PLXNA2: variants seen among roughly 807,000 people sequenced by gnomAD.
PLXNA2 encodes the protein plexin A2, also known as plexin-A2.
Under a neutral mutation model 193.5 loss-of-function variants are expected in PLXNA2, and 91 were observed. The observed-to-expected ratio is 0.47, with a 90% confidence interval of 0.40 to 0.56. PLXNA2 has a LOEUF of 0.56. Ranked by LOEUF, PLXNA2 falls within the 20% of genes least tolerant of loss-of-function variation. The pLI is 0.00. For missense variants in PLXNA2, 1,995 were observed against 2,503.2 expected (o/e 0.80, Z 4.33); for synonymous variants, 997 against 1,027.3 (o/e 0.97, Z 0.56).
intron 3 of PLXNA2, among the ~76,000 whole-genome samples, chr1:208,156,103 T>C (rs1422150284): frequency 1.3e-5 from 1 of 74,106 alleles, no homozygotes; most frequent in Non-Finnish European, 3.7e-5. Context: ...GAAAGCAGGG[T>C]GAAAGAAAGG....
rs753029580 is a variant in PLXNA2 at position 208,216,786 on chromosome 1, G to A, written c.1137C>T (p.Gly379=). The A allele has an allele frequency of 1.7e-5, 28 of 1,613,956 alleles. No homozygotes were observed. Among genetic ancestry groups the A allele is most frequent in the Admixed American group, 3.3e-5 (2 of 60,004 alleles). ...CCAGCAGCCAGTTGAGCTCCAGGTT[G>A]CCCTCGCCCTGGTAGCAGGACTGCA... ...ERLQSCYQGE[G]NLELNWLLGK... is the part of the protein sequence containing the mutation. Residue 379 remains glycine (G), a synonymous_variant, in exon 2 of 32, where the codon GGC becomes GGT. Coordinates refer to ENST00000367033, the MANE Select transcript of PLXNA2 (RefSeq NM_025179.4).
At chr1:208,243,198 C>T (rs901946953) in intron 1 of PLXNA2, among the ~76,000 whole-genome samples, 2 of 152,168 alleles carry the variant, frequency 1.3e-5, no homozygotes, top group African/African-American at 2.4e-5. Context: ...GGAGTGAACG[C>T]CCCCAAATCG....
chr1:208,237,312 T>C (rs1671894456), intron 1 of PLXNA2, among the ~76,000 whole-genome samples: 1 of 152,188 alleles, frequency 6.6e-6, no homozygotes, highest in Non-Finnish European at 1.5e-5. Flanking sequence ...ATTTAATAAC[T>C]TCATTCAGAT....
chr1:208,044,014 C>T lies in PLXNA2; in HGVS notation c.3874+494G>A, dbSNP rs1230352498. Reference sequence around the variant, plus strand: ...CACACACGTCCACAGCCAAGGACACCAGCAAGTGGCGGCCTTCAGAGCGCT... The same window carrying T: ...CACACACGTCCACAGCCAAGGACACTAGCAAGTGGCGGCCTTCAGAGCGCT... On this transcript the variant is annotated intron_variant, in intron 20 of 31. Coordinates refer to ENST00000367033, the MANE Select transcript of PLXNA2 (RefSeq NM_025179.4). This position sits in a 1 kb window ranked among gnomAD's most constrained non-coding sequence, Gnocchi z 4.9. Among the ~76,000 whole-genome samples, 1 of 152,202 alleles carries T rather than the reference C, an allele frequency of 6.6e-6. No individual in the cohort carries two copies. The highest frequency in any genetic ancestry group is 1.5e-5 in the Non-Finnish European group (1 of 68,038).
intron 29 of PLXNA2, chr1:208,031,289 G>C (rs1043234863): frequency 2.5e-5 from 31 of 1,224,158 alleles, no homozygotes; most frequent in Non-Finnish European, 3.1e-5. Flanking sequence ...CTGAGAACCA[G>C]AGATCTCAGA....
At chr1:208,234,390 C>T (rs1671786545) in intron 1 of PLXNA2, among the ~76,000 whole-genome samples, 1 of 152,206 alleles carries the variant, frequency 6.6e-6, no homozygotes, top group Non-Finnish European at 1.5e-5. Flanking sequence ...CTCTTGCTGA[C>T]CCCATTTTCT....
At chr1:208,172,497 A>T (rs570070808) in intron 3 of PLXNA2, among the ~76,000 whole-genome samples, 88 of 152,300 alleles carry the variant, frequency 5.8e-4, no homozygotes, top group African/African-American at 2.1e-3. Flanking sequence ...CCCCATCCGC[A>T]GATGACACCT....
At chr1:208,147,772 G>C (rs891892826) in intron 3 of PLXNA2, among the ~76,000 whole-genome samples, 1 of 152,182 alleles carries the variant, frequency 6.6e-6, no homozygotes, top group Non-Finnish European at 1.5e-5. Flanking sequence ...AAACATAGCT[G>C]CCCTTGCTGC....
At chr1:208,226,528 G>A (rs146359658) in intron 1 of PLXNA2, among the ~76,000 whole-genome samples, 20 of 152,178 alleles carry the variant, frequency 1.3e-4, no homozygotes, top group African/African-American at 4.6e-4. Flanking sequence ...AGGGGCTGGC[G>A]GGGGCTCTGT....
intron 3 of PLXNA2, among the ~76,000 whole-genome samples, chr1:208,177,177 G>A (rs915466537): frequency 1.3e-5 from 2 of 152,182 alleles, no homozygotes; most frequent in South Asian, 4.1e-4. Context: ...AGGAAAGGCT[G>A]TAACTGTTAA....
At chr1:208,212,831 C>T (rs984998162) in intron 2 of PLXNA2, among the ~76,000 whole-genome samples, 1 of 152,240 alleles carries the variant, frequency 6.6e-6, no homozygotes, top group African/African-American at 2.4e-5. Flanking sequence ...AGCTACTGCC[C>T]TGGCTAAGAT....
At chr1:208,165,150 C>T (rs1669259578) in intron 3 of PLXNA2, among the ~76,000 whole-genome samples, 5 of 151,830 alleles carry the variant, frequency 3.3e-5, no homozygotes, top group Admixed American at 3.3e-4. Context: ...AGTCACCTGG[C>T]CTCCCTCCTT....
intron 26 of PLXNA2, among the ~76,000 whole-genome samples, chr1:208,035,928 AG>A (rs1458325459): frequency 6.6e-6 from 1 of 152,210 alleles, no homozygotes; most frequent in Admixed American, 6.5e-5. Context: ...AAGCCTGGGA[AG>A]TTTTTTAACA....
chr1:208,162,326 G>A lies in PLXNA2; in HGVS notation c.1372-19863C>T, dbSNP rs530684315. ...CAAAGAGGAGGTAGAAATAGCATTT[G>A]TATTGGAGCAGGAGAGATGTGAGCT... On this transcript the variant is annotated intron_variant, in intron 3 of 31. Transcript: ENST00000367033. Among the ~76,000 whole-genome samples the A allele has an allele frequency of 2.0e-5, 3 of 152,376 alleles. No individual in the cohort carries two copies. The East Asian group carries it at 5.8e-4, about 29-fold the overall frequency.
intron 4 of PLXNA2, among the ~76,000 whole-genome samples, chr1:208,131,692 AT>A (rs1420995212): frequency 6.6e-6 from 1 of 152,198 alleles, no homozygotes; most frequent in Non-Finnish European, 1.5e-5. Context: ...GAGAAGCTGA[AT>A]CGGGGCTTCA....
intron 5 of PLXNA2, among the ~76,000 whole-genome samples, chr1:208,101,364 G>C (rs931396285): frequency 3.9e-5 from 6 of 152,192 alleles, no homozygotes; most frequent in African/African-American, 1.4e-4. Context: ...CTGCTGCTTG[G>C]CAGGTGGGAG....
intron 2 of PLXNA2, among the ~76,000 whole-genome samples, chr1:208,215,068 A>G (rs899938994): frequency 6.6e-6 from 1 of 151,656 alleles, no homozygotes; most frequent in Admixed American, 6.6e-5. Context: ...GCTGGAGTAT[A>G]GTAGCACAAT....
At chr1:208,138,212 C>T (rs1368807817) in intron 4 of PLXNA2, among the ~76,000 whole-genome samples, 1 of 152,186 alleles carries the variant, frequency 6.6e-6, no homozygotes, top group East Asian at 1.9e-4. Flanking sequence ...AGAAATTGTA[C>T]TTCAAGTATC....
At chr1:208,146,679 A>G (rs1378843458) in intron 3 of PLXNA2, among the ~76,000 whole-genome samples, 1 of 152,182 alleles carries the variant, frequency 6.6e-6, no homozygotes, top group African/African-American at 2.4e-5. Context: ...TTAATAGCCA[A>G]CCAATTGAGT....
Sources: gnomAD v4.1 joint callset for allele counts (sites outside exome capture counted in the v4.1 genomes callset) on GRCh38, gnomAD v4.1.1 for gene constraint, Gnocchi (gnomAD v3.1) non-coding constraint, MANE v1.5 for transcripts, NCBI Gene and HGNC (gene_info 2026-07-23, HGNC 2026-07-21) for gene names.